Variants in TUBB1 observed in about 807,000 individuals in gnomAD.
TUBB1 encodes tubulin beta-1 chain.
Under a neutral mutation model 22.6 loss-of-function variants are expected in TUBB1, and 28 were observed. The observed-to-expected ratio is 1.24, with a 90% confidence interval of 0.92 to 1.70. The LOEUF is 1.70. Ranked by LOEUF, TUBB1 falls within the 40% of genes most tolerant of loss-of-function variation. The pLI is 0.00. For synonymous variants in TUBB1, 226 were observed against 238.0 expected (o/e 0.95, Z 0.46); for missense variants, 577 against 605.5 (o/e 0.95, Z 0.49).
In TUBB1 at chr20:59,025,076, A is replaced by AC; in HGVS notation, c.*293_*294insC. The AC allele has an allele frequency of 2.3e-6, 1 of 439,216 alleles. No individual in the cohort carries two copies. Among genetic ancestry groups the AC allele is most frequent in the Non-Finnish European group, 4.2e-6 (1 of 235,748 alleles). 27.2% of individuals were successfully genotyped at this position (439,216 alleles called of 1,614,324 possible). A position where few individuals can be genotyped will look rare whatever the true frequency, so the allele number is the denominator to read the frequency against. On this transcript the variant is annotated 3_prime_UTR_variant, in exon 4 of 4. Transcript: ENST00000217133. ...CTCCCTTTGTTTCAAAGTGTTTGCC[A>AC]GGCATCCAGACTACACGTGTGGATT...
chr20:59,019,816 TAATTA>T (rs1464146298), intron 1 of TUBB1, among the ~76,000 whole-genome samples: 4 of 152,072 alleles, frequency 2.6e-5, no homozygotes, highest in Non-Finnish European at 5.9e-5. Context: ...AGTGTTAATT[TAATTA>T]ATGTTAATTT....
At position 59,024,045 on chromosome 20, in the gene TUBB1, C is replaced by A; in HGVS notation, c.618C>A (p.Ala206=). ...CCTGTTTCTGCATTGACAATGAGGCCCTCTATGACATCTGCTTCCGTACCC... is the reference window on the plus strand; with the variant it reads ...CCTGTTTCTGCATTGACAATGAGGCACTCTATGACATCTGCTTCCGTACCC... ...ADACFCIDNE[A]LYDICFRTLK... is the part of the protein sequence containing the mutation. The change falls in exon 4 of 4, where the codon GCC becomes GCA. Residue 206 remains alanine, a synonymous_variant. Coordinates refer to ENST00000217133, the MANE Select transcript of TUBB1 (RefSeq NM_030773.4). This position sits in a 1 kb window ranked among gnomAD's most constrained non-coding sequence, Gnocchi z 4.9. The A allele has an allele frequency of 6.2e-7, 1 of 1,614,156 alleles. No homozygotes were observed. The highest frequency in any genetic ancestry group is 8.5e-7 in the Non-Finnish European group (1 of 1,180,036).
chr20:59,019,356 C>A, upstream of TUBB1: 2 of 732,302 alleles, frequency 2.7e-6, no homozygotes, highest in Non-Finnish European at 4.8e-6. Flanking sequence ...GGGAGCTGGG[C>A]CTCTGGGGTG....
chr20:59,023,141 A>C (rs1021342674), intron 2 of TUBB1, among the ~76,000 whole-genome samples, 188 bp downstream of exon 2: 1 of 152,176 alleles, frequency 6.6e-6, no homozygotes, highest in African/African-American at 2.4e-5. Context: ...ATGGGGAAGG[A>C]GCTGCTGGAT....
rs2091982270 is a variant in TUBB1, at chr20:59,024,227, T to C, written c.800T>C (p.Met267Thr). ...MVPFPRLHFF[M>T]PGFAPLTAQG... ...CCCTTCCCCCGCCTGCACTTCTTTATGCCCGGCTTTGCCCCACTCACGGCC... is the reference window on the plus strand; with the variant it reads ...CCCTTCCCCCGCCTGCACTTCTTTACGCCCGGCTTTGCCCCACTCACGGCC... The change falls in exon 4 of 4, where the codon ATG becomes ACG. Residue 267 changes from methionine to threonine, a missense_variant. By Grantham distance (81) the Met-to-Thr change is moderately conservative (BLOSUM62 -1). Transcript: ENST00000217133. The surrounding 1 kb of genome is among the most constrained non-coding windows in gnomAD (Gnocchi z 4.9). The C allele has an allele frequency of 6.2e-7, 1 of 1,613,998 alleles. No homozygotes were observed. The highest frequency in any genetic ancestry group is 8.5e-7 in the Non-Finnish European group (1 of 1,180,040).
At chr20:59,018,400 A>ATGAGGGAAT (rs1412714683), upstream of TUBB1, among the ~76,000 whole-genome samples, 1 of 150,764 alleles carries the variant, frequency 6.6e-6, no homozygotes, top group Non-Finnish European at 1.5e-5. Context: ...TGTACACCGC[A>ATGAGGGAAT]TGAGGGAATG....
In TUBB1 at chr20:59,025,645, C is replaced by T. The variant is rs1015170491; in HGVS notation, c.*862C>T. ...TTCACTTTCATTCAGTCATCACCCC[C>T]CAAAATGCTCTGCAGCCTCTCTGCT... On this transcript the variant is annotated 3_prime_UTR_variant, in exon 4 of 4. Transcript: ENST00000217133. 1 of 152,218 alleles carries T rather than the reference C, an allele frequency of 6.6e-6. No individual in the cohort carries two copies. The highest frequency in any genetic ancestry group is 1.5e-5 in the Non-Finnish European group (1 of 68,046). 9.4% of individuals were successfully genotyped at this position (152,218 alleles called of 1,614,324 possible). A position where few individuals can be genotyped will look rare whatever the true frequency, so the allele number is the denominator to read the frequency against.
chr20:59,018,294 G>A (rs186944117), upstream of TUBB1, among the ~76,000 whole-genome samples: 310 of 152,268 alleles, frequency 2.0e-3, 1 homozygote, highest in Non-Finnish European at 3.1e-3. Context: ...GCTGGCTTTC[G>A]ACGATGATAG....
Position 59,024,231 on chromosome 20 carries a change from C to T in TUBB1, c.804C>T (p.Pro268=), listed in dbSNP as rs779608743. The T allele has an allele frequency of 5.3e-5, 86 of 1,613,964 alleles. No homozygotes were observed. Among genetic ancestry groups the T allele is most frequent in the Middle Eastern group, 3.3e-4 (2 of 6,084 alleles). ...VPFPRLHFFM[P]GFAPLTAQGS... is the part of the protein sequence containing the mutation. Reference sequence around the variant, plus strand: ...TCCCCCGCCTGCACTTCTTTATGCCCGGCTTTGCCCCACTCACGGCCCAGG... The same window carrying T: ...TCCCCCGCCTGCACTTCTTTATGCCTGGCTTTGCCCCACTCACGGCCCAGG... Residue 268 remains proline, a synonymous_variant, in exon 4 of 4, where the codon CCC becomes CCT. Transcript: ENST00000217133. The surrounding 1 kb of genome is among the most constrained non-coding windows in gnomAD (Gnocchi z 4.9).
upstream of TUBB1, among the ~76,000 whole-genome samples, chr20:59,016,674 A>G (rs2091946975): frequency 6.6e-6 from 1 of 152,178 alleles, no homozygotes; most frequent in Admixed American, 6.6e-5. Flanking sequence ...ATGTCTATGG[A>G]AACAGAATGG....
At chr20:59,019,706 G>C in intron 1 of TUBB1, 127 bp downstream of exon 1, 1 of 1,002,026 alleles carries the variant, frequency 1.0e-6, no homozygotes, top group Non-Finnish European at 1.6e-6. Context: ...CTAAATATCA[G>C]ACAATGCCTT....
intron 1 of TUBB1, 68 bp downstream of exon 1, chr20:59,019,647 C>A: frequency 6.7e-7 from 1 of 1,488,534 alleles, no homozygotes; most frequent in Non-Finnish European, 9.4e-7. Context: ...CAAAAAAATA[C>A]CCTAAGTTAG....
chr20:59,024,817 A>G lies in TUBB1; in HGVS notation c.*34A>G, dbSNP rs562449080. The stretch of plus-strand genomic sequence containing the variant: ...GAAGCTGTGCCGCGGAGTCGCTTAC[A>G]GAACAGTTTCTCATTAGATGAGTGT... On this transcript the variant is annotated 3_prime_UTR_variant, in exon 4 of 4. Transcript: ENST00000217133. This position sits in a 1 kb window ranked among gnomAD's most constrained non-coding sequence, Gnocchi z 4.9. The G allele has an allele frequency of 6.2e-7, 1 of 1,602,300 alleles. No individual in the cohort carries two copies. The highest frequency in any genetic ancestry group is 8.5e-7 in the Non-Finnish European group (1 of 1,169,590).
upstream of TUBB1, among the ~76,000 whole-genome samples, chr20:59,018,707 C>T (rs1221918550): frequency 6.6e-6 from 1 of 152,212 alleles, no homozygotes; most frequent in Non-Finnish European, 1.5e-5. Context: ...CCACACCCGG[C>T]TCTAAGGGAA....
chr20:59,019,510 G>T lies in TUBB1; in HGVS notation c.-13G>T. On this transcript the variant is annotated 5_prime_UTR_variant, in exon 1 of 4. Transcript: ENST00000217133. ...GATTCCGTGAAGATCTCAGACTTGG[G>T]CTCAGAGCAAGGATGCGTGAAATTG... 6.2e-7 allele frequency: 1 copy of T among 1,613,962 alleles called. No individual in the cohort carries two copies. Among genetic ancestry groups the T allele is most frequent in the Non-Finnish European group, 8.5e-7 (1 of 1,179,944 alleles).
chr20:59,020,693 G>T (rs776616596), intron 1 of TUBB1, among the ~76,000 whole-genome samples: 3 of 151,810 alleles, frequency 2.0e-5, no homozygotes, highest in South Asian at 4.1e-4. Flanking sequence ...GAAAATAAAA[G>T]TTTTTTGTGT....
chr20:59,020,716 T>C (rs2091963353), intron 1 of TUBB1, among the ~76,000 whole-genome samples: 1 of 152,206 alleles, frequency 6.6e-6, no homozygotes, highest in Non-Finnish European at 1.5e-5. Context: ...AGTAACATAA[T>C]TAATTAAAAT....
rs554465939 is a variant in TUBB1, at chr20:59,026,399, T to C, written c.*1616T>C. On this transcript the variant is annotated 3_prime_UTR_variant, in exon 4 of 4. Coordinates refer to ENST00000217133, the MANE Select transcript of TUBB1 (RefSeq NM_030773.4). Reference sequence around the variant, plus strand: ...GTTTGAAGTTAGTAACTTCCTGAGATGCTAAAGACTTACAGCCTGCGATTA... The same window carrying C: ...GTTTGAAGTTAGTAACTTCCTGAGACGCTAAAGACTTACAGCCTGCGATTA... The C allele has an allele frequency of 6.6e-6, 1 of 152,360 alleles. No individual in the cohort carries two copies. The highest frequency in any genetic ancestry group is 2.1e-4 in the South Asian group (1 of 4,834). The allele number at this position is 152,360 out of a possible 1,614,324, so 9.4% of individuals were successfully genotyped here.
At position 59,024,296 on chromosome 20, in the gene TUBB1, C is replaced by T. The variant is rs762759390; in HGVS notation, c.869C>T (p.Thr290Ile). 3.5e-5 allele frequency: 56 copies of T among 1,613,928 alleles called. No individual in the cohort carries two copies. The East Asian group carries it at 1.2e-3, about 35-fold the overall frequency. ...CGAGCCCTCTCCGTGGCCGAGCTCA[C>T]CCAGCAGATGTTCGATGCCCGCAAT... is the stretch of plus-strand genomic sequence containing the variant. ...QYRALSVAELTQQMFDARNTM... is the reference protein window; with the variant it reads ...QYRALSVAELIQQMFDARNTM... The change falls in exon 4 of 4, where the codon ACC (threonine) becomes ATC (isoleucine). Residue 290 changes from threonine to isoleucine, a missense_variant. Physicochemically the swap from Thr to Ile is moderately conservative, Grantham distance 89. Coordinates refer to ENST00000217133, the MANE Select transcript of TUBB1 (RefSeq NM_030773.4). This position sits in a 1 kb window ranked among gnomAD's most constrained non-coding sequence, Gnocchi z 4.9.
Sources: gnomAD v4.1 joint callset for allele counts (sites outside exome capture counted in the v4.1 genomes callset) on GRCh38, gnomAD v4.1.1 for gene constraint, Gnocchi (gnomAD v3.1) non-coding constraint, MANE v1.5 for transcripts, NCBI Gene and HGNC (gene_info 2026-07-23, HGNC 2026-07-21) for gene names.